Variants in PRKAR2A observed in about 807,000 individuals in gnomAD.
PRKAR2A encodes the protein protein kinase cAMP-dependent type II regulatory subunit alpha, also known as cAMP-dependent protein kinase type II-alpha regulatory subunit.
PRKAR2A carries 29 observed loss-of-function variants against 51.9 expected under a neutral mutation model. That is an observed-to-expected ratio of 0.56 (90% CI 0.42 to 0.76). PRKAR2A has a LOEUF of 0.76. PRKAR2A is among the 30% of genes least tolerant of loss of function. The pLI is 0.00. For missense variants in PRKAR2A, 445 were observed against 512.1 expected (o/e 0.87, Z 1.26); for synonymous variants, 178 against 186.2 (o/e 0.96, Z 0.36).
rs1009951427 is a variant in PRKAR2A at position 48,749,572 on chromosome 3, C to G, written c.*2013G>C. On this transcript the variant is annotated 3_prime_UTR_variant, in exon 11 of 11. Transcript: ENST00000265563. ...TCTCGGCTCACTGCAACCTCCACTC[C>G]CAGGTTCAAGCGATTCTCCTGCCTG... 1 of 152,026 alleles carries G rather than the reference C, an allele frequency of 6.6e-6. No individual in the cohort carries two copies. The highest frequency in any genetic ancestry group is 2.4e-5 in the African/African-American group (1 of 41,348). 9.4% of individuals were successfully genotyped at this position (152,026 alleles called of 1,614,324 possible).
At chr3:48,798,533 C>T (rs1039335410) in intron 2 of PRKAR2A, among the ~76,000 whole-genome samples, 2 of 151,888 alleles carry the variant, frequency 1.3e-5, no homozygotes, top group Admixed American at 6.6e-5. Flanking sequence ...AATTGCTACT[C>T]CTTGGTCTAA....
At chr3:48,789,899 CTTTT>C (rs1235871730) in intron 4 of PRKAR2A, among the ~76,000 whole-genome samples, 5 of 151,036 alleles carry the variant, frequency 3.3e-5, no homozygotes, top group African/African-American at 1.2e-4. Context: ...CTCTTCCTTT[CTTTT>C]TCTCTCCCTC....
intron 1 of PRKAR2A, among the ~76,000 whole-genome samples, chr3:48,817,933 T>C (rs556058208): frequency 3.3e-5 from 5 of 152,326 alleles, no homozygotes; most frequent in Admixed American, 6.5e-5. Flanking sequence ...AGAGTTGCTA[T>C]GCCACTGAGA....
chr3:48,755,993 G>A (rs1252211068), intron 9 of PRKAR2A, among the ~76,000 whole-genome samples: 1 of 151,742 alleles, frequency 6.6e-6, no homozygotes, highest in East Asian at 1.9e-4. Context: ...TGTTAGCCAG[G>A]ATGGTTTCAA....
At chr3:48,805,871 T>C (rs956213167) in intron 2 of PRKAR2A, among the ~76,000 whole-genome samples, 4 of 152,218 alleles carry the variant, frequency 2.6e-5, no homozygotes, top group Non-Finnish European at 5.9e-5. Flanking sequence ...TACCATGTAC[T>C]TGTCTGAGTC....
chr3:48,804,552 T>C (rs142351779), intron 2 of PRKAR2A, among the ~76,000 whole-genome samples: 1,948 of 152,120 alleles, frequency 0.013, 26 homozygotes, highest in Non-Finnish European at 0.02. Context: ...AATTTAAGGT[T>C]AGTAAGGAAG....
chr3:48,791,971 GAAA>G (rs1277861736), intron 3 of PRKAR2A, among the ~76,000 whole-genome samples: 1 of 115,958 alleles, frequency 8.6e-6, no homozygotes, highest in Non-Finnish European at 1.8e-5. Context: ...TATTAAATTA[GAAA>G]AAAACTGTTT....
At position 48,847,092 on chromosome 3, in the gene PRKAR2A, CAAGGCTGG is replaced by C. The variant is rs2107480109; in HGVS notation, c.262+235_262+242del. On this transcript the variant is annotated intron_variant, in intron 1 of 10. Transcript: ENST00000265563. The surrounding 1 kb of genome is among the most constrained non-coding windows in gnomAD (Gnocchi z 4.4). ...GGGCCGACAGCGCGCACGTTTCCTT[CAAGGCTGG>C]ATCTGACAAATCACTCGGTGCGCTC... Among the ~76,000 whole-genome samples, 1 of 152,362 alleles carries C rather than the reference CAAGGCTGG, an allele frequency of 6.6e-6. No individual in the cohort carries two copies. Among genetic ancestry groups the C allele is most frequent in the South Asian group, 2.1e-4 (1 of 4,830 alleles).
chr3:48,764,978 A>C, intron 8 of PRKAR2A, 26 bp downstream of exon 8: 1 of 1,603,248 alleles, frequency 6.2e-7, no homozygotes, highest in Non-Finnish European at 8.5e-7. Flanking sequence ...CTTCCAGGAA[A>C]GGAGCTGCGT....
intron 1 of PRKAR2A, among the ~76,000 whole-genome samples, chr3:48,815,049 A>G (rs2082850853): frequency 6.6e-6 from 1 of 151,838 alleles, no homozygotes. Flanking sequence ...GTAGCTGGGA[A>G]ACTACAGGCG....
At chr3:48,803,750 C>T (rs1379974219) in intron 2 of PRKAR2A, among the ~76,000 whole-genome samples, 7 of 152,114 alleles carry the variant, frequency 4.6e-5, no homozygotes, top group Admixed American at 2.0e-4. Flanking sequence ...AAAGGCCAGG[C>T]GCAGTGGCTT....
chr3:48,773,162 AG>A, intron 5 of PRKAR2A, 54 bp from the exon 6 acceptor site: 1 of 1,425,400 alleles, frequency 7.0e-7, no homozygotes, highest in Admixed American at 1.9e-5. Context: ...ATAAATGTTA[AG>A]AACTGGCAGG....
rs1195528017 is a variant in PRKAR2A at position 48,754,179 on chromosome 3, C to T, written c.940-1862G>A. Among the ~76,000 whole-genome samples, 13 of 151,804 alleles carry T rather than the reference C, an allele frequency of 8.6e-5. No individual in the cohort carries two copies. The South Asian group carries it at 2.3e-3, about 27-fold the overall frequency. On this transcript the variant is annotated intron_variant, in intron 9 of 10. Transcript: ENST00000265563. The stretch of plus-strand genomic sequence containing the variant: ...CCTCCCAAAGTGCTGGAATTACAAG[C>T]GTGAGCCACCATGCCAGGCCAAAAC...
At chr3:48,791,011 G>A (rs1468584705) in intron 3 of PRKAR2A, among the ~76,000 whole-genome samples, 3 of 152,086 alleles carry the variant, frequency 2.0e-5, no homozygotes, top group Non-Finnish European at 4.4e-5. Context: ...AGTGTTGGCC[G>A]GGCGAGGTGG....
At chr3:48,836,638 C>T (rs985072488) in intron 1 of PRKAR2A, among the ~76,000 whole-genome samples, 1 of 151,442 alleles carries the variant, frequency 6.6e-6, no homozygotes, top group African/African-American at 2.4e-5. Context: ...AAAGACACAT[C>T]CGATTTCATC....
chr3:48,843,841 T>C (rs1291102673), intron 1 of PRKAR2A, among the ~76,000 whole-genome samples: 9 of 151,704 alleles, frequency 5.9e-5, no homozygotes, highest in African/African-American at 9.7e-5. Context: ...TAATTCAAGA[T>C]GGATTAAAGA....
chr3:48,836,419 T>TAAAAAAAAAAAAAAAAAAAA (rs548970318), intron 1 of PRKAR2A, among the ~76,000 whole-genome samples: 31 of 56,088 alleles, frequency 5.5e-4, no homozygotes, highest in African/African-American at 8.1e-4. Context: ...AGACTCCGTC[T>TAAAAAAAAAAAAAAAAAAAA]AAAAAAAAAA....
At chr3:48,839,400 TAAAAAAAA>T (rs201427924) in intron 1 of PRKAR2A, among the ~76,000 whole-genome samples, 1 of 117,274 alleles carries the variant, frequency 8.5e-6, no homozygotes. Context: ...AGCTGTTACC[TAAAAAAAA>T]AAAAAAAAAA....
At chr3:48,770,833 G>C (rs1417769666) in intron 6 of PRKAR2A, among the ~76,000 whole-genome samples, 2 of 152,172 alleles carry the variant, frequency 1.3e-5, no homozygotes, top group African/African-American at 4.8e-5. Flanking sequence ...TTATGCCCAT[G>C]TATTTAATCC....
Sources: gnomAD v4.1 joint callset for allele counts (sites outside exome capture counted in the v4.1 genomes callset) on GRCh38, gnomAD v4.1.1 for gene constraint, Gnocchi (gnomAD v3.1) non-coding constraint, MANE v1.5 for transcripts, NCBI Gene and HGNC (gene_info 2026-07-23, HGNC 2026-07-21) for gene names.